Variants in FBXL20 observed in about 807,000 individuals in gnomAD.
FBXL20 encodes the protein F-box and leucine rich repeat protein 20.
FBXL20 carries 11 observed loss-of-function variants against 64.0 expected under a neutral mutation model. That is an observed-to-expected ratio of 0.17 (90% CI 0.11 to 0.28). The LOEUF (loss-of-function observed/expected upper bound fraction) is 0.28, where lower values mean the gene tolerates loss of function less well. FBXL20 is among the 10% of genes least tolerant of loss of function. FBXL20 has a pLI of 1.00. For synonymous variants in FBXL20, 184 were observed against 189.0 expected (o/e 0.97, Z 0.22); for missense variants, 303 against 526.2 (o/e 0.58, Z 4.15).
At chr17:39,383,884 C>T (rs899027510) in intron 1 of FBXL20, among the ~76,000 whole-genome samples, 1 of 151,904 alleles carries the variant, frequency 6.6e-6, no homozygotes, top group Non-Finnish European at 1.5e-5. Flanking sequence ...GCCACCGTGC[C>T]GGGCTACTTT....
chr17:39,320,595 T>TTC (rs1404392939), intron 2 of FBXL20, among the ~76,000 whole-genome samples: 1 of 150,302 alleles, frequency 6.7e-6, no homozygotes, highest in African/African-American at 2.4e-5. Flanking sequence ...AGTATGAATT[T>TTC]TTTTTTTTTT....
In FBXL20 at chr17:39,313,003, C is replaced by T. The variant is rs1365552482; in HGVS notation, c.105-9364G>A. Among the ~76,000 whole-genome samples, 3 of 150,284 alleles carry T rather than the reference C, an allele frequency of 2.0e-5. 1 individual carries two copies. On this transcript the variant is annotated intron_variant, in intron 2 of 14. Coordinates refer to ENST00000264658, the MANE Select transcript of FBXL20 (RefSeq NM_032875.3). ...GCGCGATCTCGGCTCACTGCAACCTCTGTCTCCCGGGTTCAAGCGATTCTC... is the reference window on the plus strand; with the variant it reads ...GCGCGATCTCGGCTCACTGCAACCTTTGTCTCCCGGGTTCAAGCGATTCTC...
intron 4 of FBXL20, among the ~76,000 whole-genome samples, chr17:39,299,306 A>G (rs185823175): frequency 5.1e-4 from 78 of 152,310 alleles, no homozygotes; most frequent in African/African-American, 1.8e-3. Context: ...CTTGTAAAAT[A>G]TATTCTGTAC....
intron 2 of FBXL20, among the ~76,000 whole-genome samples, chr17:39,333,131 TCTCCCTCTCCCTCTCCCTC>T (rs1184102491): frequency 6.8e-4 from 103 of 151,836 alleles, no homozygotes; most frequent in African/African-American, 2.4e-3. Context: ...AAAATTCAGC[TCTCCCTCTCCCTCTCCCTC>T]CTCCCTCTCC....
chr17:39,300,541 T>C (rs187532915), intron 4 of FBXL20, among the ~76,000 whole-genome samples: 25 of 152,288 alleles, frequency 1.6e-4, no homozygotes, highest in African/African-American at 6.0e-4. Flanking sequence ...CAAAAACGAT[T>C]CAATAAATGG....
intron 1 of FBXL20, among the ~76,000 whole-genome samples, chr17:39,374,611 T>C (rs141749454): frequency 0.025 from 3,829 of 152,272 alleles, 72 homozygotes; most frequent in South Asian, 0.066. Flanking sequence ...TATAATATGT[T>C]GGGTCATCAC....
chr17:39,369,179 A>AT (rs766330521), intron 1 of FBXL20, among the ~76,000 whole-genome samples: 3 of 151,686 alleles, frequency 2.0e-5, no homozygotes, highest in Non-Finnish European at 4.4e-5. Context: ...AAAGTACAGT[A>AT]TATTTACCAA....
In FBXL20 at chr17:39,297,296, A is replaced by G. The variant is rs577390434; in HGVS notation, c.330-101T>C. On this transcript the variant is annotated intron_variant, in intron 5 of 14. Transcript: ENST00000264658. Reference sequence around the variant, plus strand: ...TTATTATTGGTAATATTGATTGTTGATATCTGTGATACTGTGATATAAAGG... The same window carrying G: ...TTATTATTGGTAATATTGATTGTTGGTATCTGTGATACTGTGATATAAAGG... 2.7e-5 allele frequency: 18 copies of G among 667,814 alleles called. No individual in the cohort carries two copies. The Admixed American group carries it at 4.4e-4, about 16-fold the overall frequency. 41.4% of individuals were successfully genotyped at this position (667,814 alleles called of 1,614,324 possible). A position where few individuals can be genotyped will look rare whatever the true frequency, so the allele number is the denominator to read the frequency against.
At chr17:39,361,791 C>T (rs901409103) in intron 1 of FBXL20, among the ~76,000 whole-genome samples, 6 of 151,650 alleles carry the variant, frequency 4.0e-5, no homozygotes, top group African/African-American at 1.2e-4. Flanking sequence ...AGCGAGACTC[C>T]GTCTCAAAAA....
At chr17:39,276,407 A>C (rs1258929540) in intron 9 of FBXL20, among the ~76,000 whole-genome samples, 1 of 151,580 alleles carries the variant, frequency 6.6e-6, no homozygotes, top group Non-Finnish European at 1.5e-5. Context: ...ATGGTGGCTC[A>C]AGCCTGTAAC....
intron 11 of FBXL20, among the ~76,000 whole-genome samples, chr17:39,270,132 CAT>C (rs1434550629): frequency 2.6e-5 from 4 of 152,284 alleles, no homozygotes; most frequent in South Asian, 4.1e-4. Flanking sequence ...TAGAACCAGA[CAT>C]GTGTTTCCTT....
At chr17:39,362,104 G>T (rs371865695) in intron 1 of FBXL20, among the ~76,000 whole-genome samples, 10 of 151,004 alleles carry the variant, frequency 6.6e-5, no homozygotes, top group Non-Finnish European at 1.5e-4. Context: ...TGGCTAACAC[G>T]GTGAAACCTC....
intron 2 of FBXL20, among the ~76,000 whole-genome samples, chr17:39,326,343 A>G (rs1212369759): frequency 1.3e-5 from 2 of 152,190 alleles, no homozygotes; most frequent in Admixed American, 1.3e-4. Flanking sequence ...AATAACCTAA[A>G]GAACTAATCA....
intron 3 of FBXL20, 32 bp downstream of exon 3, chr17:39,303,553 G>A (rs754879008): frequency 1.7e-5 from 27 of 1,584,644 alleles, no homozygotes; most frequent in Non-Finnish European, 2.2e-5. Flanking sequence ...ATGAAGAAGG[G>A]GTCCCCCTGT....
At chr17:39,388,318 G>T (rs1487016501) in intron 1 of FBXL20, among the ~76,000 whole-genome samples, 1 of 151,866 alleles carries the variant, frequency 6.6e-6, no homozygotes, top group Non-Finnish European at 1.5e-5. Context: ...AAATAGCTGG[G>T]CATGGTGGCA....
intron 1 of FBXL20, among the ~76,000 whole-genome samples, chr17:39,389,037 G>C (rs534000552): frequency 1.4e-5 from 2 of 147,110 alleles, no homozygotes; most frequent in Admixed American, 6.8e-5. Context: ...CCGGGAGGCG[G>C]AGGTTGTAGT....
chr17:39,377,515 T>G (rs1169294263), intron 1 of FBXL20, among the ~76,000 whole-genome samples: 1 of 151,632 alleles, frequency 6.6e-6, no homozygotes, highest in African/African-American at 2.4e-5. Context: ...TGTTTTTTTT[T>G]TTTGAGACGG....
chr17:39,392,382 G>A (rs2048142496), intron 1 of FBXL20, among the ~76,000 whole-genome samples: 1 of 150,204 alleles, frequency 6.7e-6, no homozygotes, highest in Non-Finnish European at 1.5e-5. Flanking sequence ...GGAGGTTGCA[G>A]TGAGCGAAGA....
chr17:39,391,578 A>G (rs553400217), intron 1 of FBXL20, among the ~76,000 whole-genome samples: 2 of 152,270 alleles, frequency 1.3e-5, no homozygotes, highest in Non-Finnish European at 2.9e-5. Context: ...AAATTATAAG[A>G]GTACATTTTG....
Sources: gnomAD v4.1 joint callset for allele counts (sites outside exome capture counted in the v4.1 genomes callset) on GRCh38, gnomAD v4.1.1 for gene constraint, MANE v1.5 for transcripts, NCBI Gene and HGNC (gene_info 2026-07-23, HGNC 2026-07-21) for gene names.